The following DYRK4 variants were observed in gnomAD, a reference collection of about 807,000 sequenced individuals.
The protein encoded by DYRK4 is dual specificity tyrosine phosphorylation regulated kinase 4, also known as dual specificity tyrosine-phosphorylation-regulated kinase 4.
Under a neutral mutation model 68.3 loss-of-function variants are expected in DYRK4, and 64 were observed. The observed-to-expected ratio is 0.94, with a 90% CI of 0.77 to 1.15. The LOEUF is 1.15. Among genes scored for constraint, DYRK4 ranks in the 50% most tolerant of loss-of-function variants. DYRK4 has a pLI of 0.00. For missense variants in DYRK4, 740 were observed against 764.7 expected (o/e 0.97, Z 0.38); for synonymous variants, 274 against 289.9 (o/e 0.95, Z 0.56).
chr12:4,612,754 G>A (rs1565544920), intron 14 of DYRK4, 36 bp downstream of exon 14: 2 of 1,605,250 alleles, frequency 1.2e-6, no homozygotes, highest in Non-Finnish European at 8.5e-7. Context: ...TAGTCCCACA[G>A]TCCGGGAATT....
intron 2 of DYRK4, among the ~76,000 whole-genome samples, chr12:4,582,691 A>C (rs914001782): frequency 6.6e-6 from 1 of 152,108 alleles, no homozygotes; most frequent in African/African-American, 2.4e-5. Context: ...CATGGACTGG[A>C]TGACATGGCG....
chr12:4,610,322 C>T, intron 13 of DYRK4, 38 bp downstream of exon 13: 1 of 1,493,136 alleles, frequency 6.7e-7, no homozygotes, highest in Non-Finnish European at 8.9e-7. Context: ...TGGGTTTCCT[C>T]TTAAATGCTG....
At position 4,605,503 on chromosome 12, in the gene DYRK4, T is replaced by C. The variant is rs115853998; in HGVS notation, c.1299+417T>C. 6.8e-3 allele frequency among the ~76,000 whole-genome samples: 1,036 copies of C among 152,268 alleles called. 9 individuals are homozygous for C. Among genetic ancestry groups the C allele is most frequent in the African/African-American group, 0.023 (973 of 41,558 alleles). The stretch of plus-strand genomic sequence containing the variant: ...CTTTTGTTTCTACTCTTTTTTCTAC[T>C]TCCTCTATGGAATTTTATTCTAATT... On this transcript the variant is annotated intron_variant, in intron 11 of 14. Coordinates refer to ENST00000543431, the MANE Select transcript of DYRK4 (RefSeq NM_001394779.1).
At chr12:4,596,965 C>A in intron 8 of DYRK4, 1 of 1,368,630 alleles carries the variant, frequency 7.3e-7, no homozygotes, top group Non-Finnish European at 9.4e-7. Context: ...GTGCTGGGTA[C>A]TGAGCCAGGT....
At chr12:4,607,443 C>A in intron 12 of DYRK4, 56 bp downstream of exon 12, 1 of 1,575,246 alleles carries the variant, frequency 6.3e-7, no homozygotes. Context: ...CCTGCCATAC[C>A]TTAAGGCTCA....
At chr12:4,604,234 G>A (rs1480362791) in intron 10 of DYRK4, among the ~76,000 whole-genome samples, 1 of 152,042 alleles carries the variant, frequency 6.6e-6, no homozygotes, top group Non-Finnish European at 1.5e-5. Context: ...AACACATTTG[G>A]GAAGCAGGCA....
At position 4,562,242 on chromosome 12, in the gene DYRK4, C is replaced by T; in HGVS notation, c.-4C>T. On this transcript the variant is annotated 5_prime_UTR_variant, in exon 1 of 15. Transcript: ENST00000543431. ...CGCAGCGGCGGGCGGTCAGCGCCGGCCTCATGCAGCTCCTCCCGCCGCCTA... is the reference window on the plus strand; with the variant it reads ...CGCAGCGGCGGGCGGTCAGCGCCGGTCTCATGCAGCTCCTCCCGCCGCCTA... 1 of 1,530,622 alleles carries T rather than the reference C, an allele frequency of 6.5e-7. No homozygotes were observed. The highest frequency in any genetic ancestry group is 8.7e-7 in the Non-Finnish European group (1 of 1,144,406). 94.8% of individuals were successfully genotyped at this position (1,530,622 alleles called of 1,614,324 possible). A position where few individuals can be genotyped will look rare whatever the true frequency, so the allele number is the denominator to read the frequency against.
intron 12 of DYRK4, among the ~76,000 whole-genome samples, chr12:4,608,742 T>G (rs1238157921): frequency 6.6e-6 from 1 of 152,200 alleles, no homozygotes; most frequent in Middle Eastern, 3.2e-3. Flanking sequence ...ATGCCATTCA[T>G]TCCAATGGTT....
At chr12:4,608,296 T>C (rs969952304) in intron 12 of DYRK4, among the ~76,000 whole-genome samples, 1 of 152,174 alleles carries the variant, frequency 6.6e-6, no homozygotes, top group Non-Finnish European at 1.5e-5. Flanking sequence ...CAGCCATTGT[T>C]GTCAGGTCGG....
Position 4,588,218 on chromosome 12 carries a change from C to A in DYRK4, c.133-719C>A, listed in dbSNP as rs542357832. Among the ~76,000 whole-genome samples, 5 of 152,224 alleles carry A rather than the reference C, an allele frequency of 3.3e-5. No homozygotes were observed. The East Asian group carries it at 7.7e-4, about 24-fold the overall frequency. ...GGGATTACAGGTGTGAGACACCATG[C>A]CTGGCCTTACTTTTTTTTTTAACTT... On this transcript the variant is annotated intron_variant, in intron 2 of 14. Transcript: ENST00000543431.
intron 9 of DYRK4, 88 bp from the exon 10 acceptor site, chr12:4,599,619 G>A: frequency 1.1e-6 from 1 of 934,244 alleles, no homozygotes. Flanking sequence ...TATTTGAACT[G>A]GGCCCTGAAG....
intron 2 of DYRK4, chr12:4,572,836 CA>C: frequency 6.3e-6 from 1 of 159,962 alleles, no homozygotes; most frequent in South Asian, 1.8e-4. Flanking sequence ...TCTGTCTCTC[CA>C]TTTAACAGAA....
intron 8 of DYRK4, chr12:4,597,253 C>T: frequency 1.6e-6 from 1 of 632,324 alleles, no homozygotes; most frequent in Non-Finnish European, 2.0e-6. Context: ...ACAAGGCATG[C>T]TACTTTGATT....
chr12:4,611,703 G>C (rs996708757), intron 13 of DYRK4, among the ~76,000 whole-genome samples: 1 of 152,196 alleles, frequency 6.6e-6, no homozygotes, highest in Non-Finnish European at 1.5e-5. Flanking sequence ...TCTCCCTGCA[G>C]TTATAGAAGC....
At chr12:4,599,324 G>A (rs1287273203) in intron 9 of DYRK4, among the ~76,000 whole-genome samples, 158 bp downstream of exon 9, 1 of 149,624 alleles carries the variant, frequency 6.7e-6, no homozygotes, top group East Asian at 2.0e-4. Flanking sequence ...TATATCAAGG[G>A]AGGGCATTTC....
chr12:4,605,410 AATCT>A (rs777764148), intron 11 of DYRK4, among the ~76,000 whole-genome samples: 29 of 152,222 alleles, frequency 1.9e-4, no homozygotes, highest in Non-Finnish European at 4.0e-4. Context: ...CACCCATTAA[AATCT>A]ATCTGATAGT....
chr12:4,594,331 C>A (rs768897038), intron 6 of DYRK4, among the ~76,000 whole-genome samples: 1 of 152,154 alleles, frequency 6.6e-6, no homozygotes, highest in Non-Finnish European at 1.5e-5. Flanking sequence ...TCAGGTGATT[C>A]TCTTGCTTCA....
At chr12:4,601,538 C>T (rs2137387423) in intron 10 of DYRK4, among the ~76,000 whole-genome samples, 1 of 152,172 alleles carries the variant, frequency 6.6e-6, no homozygotes, top group East Asian at 1.9e-4. Context: ...ATGGCCTAGA[C>T]AGATGTCCAT....
intron 2 of DYRK4, chr12:4,573,497 C>T (rs957759094): frequency 2.4e-6 from 2 of 826,232 alleles, no homozygotes; most frequent in Non-Finnish European, 3.4e-6. Context: ...GGGGGCATGT[C>T]TCTGAGTACA....
Sources: gnomAD v4.1 joint callset for allele counts (sites outside exome capture counted in the v4.1 genomes callset) on GRCh38, gnomAD v4.1.1 for gene constraint, MANE v1.5 for transcripts, NCBI Gene and HGNC (gene_info 2026-07-23, HGNC 2026-07-21) for gene names.